The following CSRNP3 variants were observed in gnomAD, a reference collection of about 807,000 sequenced individuals.
CSRNP3 encodes the protein cysteine/serine-rich nuclear protein 3.
A neutral mutation model predicts 48.0 loss-of-function variants in CSRNP3; 12 were observed. The ratio of observed to expected loss-of-function variants is 0.25; its 90% CI spans 0.16 to 0.41. The LOEUF (loss-of-function observed/expected upper bound fraction) is 0.41, where lower values mean the gene tolerates loss of function less well. Ranked by LOEUF, CSRNP3 falls within the 10% of genes least tolerant of loss-of-function variation. The probability of loss-of-function intolerance (pLI) is 1.00; values close to 1 mark genes in which losing one functional copy is unlikely to be tolerated. For missense variants in CSRNP3, 580 were observed against 724.4 expected (o/e 0.80, Z 2.29); for synonymous variants, 263 against 269.7 (o/e 0.98, Z 0.24).
At chr2:165,541,948 T>C (rs919201974) in intron 3 of CSRNP3, among the ~76,000 whole-genome samples, 1 of 152,126 alleles carries the variant, frequency 6.6e-6, no homozygotes, top group African/African-American at 2.4e-5. Flanking sequence ...AAAATTGCCT[T>C]CTTATTAATG....
chr2:165,615,396 A>G (rs1049211038), intron 4 of CSRNP3, among the ~76,000 whole-genome samples: 2 of 151,726 alleles, frequency 1.3e-5, no homozygotes, highest in Admixed American at 1.3e-4. Flanking sequence ...ACAAAAAATT[A>G]GCCGGGTGTG....
intron 2 of CSRNP3, among the ~76,000 whole-genome samples, chr2:165,498,105 G>A (rs1684306610): frequency 6.6e-6 from 1 of 152,014 alleles, no homozygotes; most frequent in South Asian, 2.1e-4. Context: ...AAGTGACAGG[G>A]CAGATTGTTG....
intron 4 of CSRNP3, among the ~76,000 whole-genome samples, chr2:165,615,314 C>T (rs1053786614): frequency 3.3e-5 from 5 of 151,976 alleles, no homozygotes; most frequent in Non-Finnish European, 7.4e-5. Flanking sequence ...GAGGCCGAGT[C>T]GGGCAGATCA....
At chr2:165,647,069 T>C (rs1458175121) in intron 4 of CSRNP3, among the ~76,000 whole-genome samples, 1 of 152,036 alleles carries the variant, frequency 6.6e-6, no homozygotes, top group Non-Finnish European at 1.5e-5. Flanking sequence ...CACTTTTTAT[T>C]TGGTTTAACG....
At chr2:165,537,967 C>CT (rs1016767426) in intron 3 of CSRNP3, among the ~76,000 whole-genome samples, 2 of 151,094 alleles carry the variant, frequency 1.3e-5, no homozygotes, top group African/African-American at 2.4e-5. Flanking sequence ...AACTACTGAG[C>CT]TTTTTTTTTC....
intron 3 of CSRNP3, among the ~76,000 whole-genome samples, chr2:165,528,533 G>A (rs1434443173): frequency 3.3e-5 from 5 of 152,226 alleles, no homozygotes; most frequent in African/African-American, 1.2e-4. Context: ...GTTGTTTCAT[G>A]TTTCTGCATG....
In CSRNP3 at chr2:165,679,432, CTA is replaced by C. The variant is rs1302847392; in HGVS notation, c.1439_1440del (p.Tyr480CysfsTer30). 1 of 1,612,856 alleles carries C rather than the reference CTA, an allele frequency of 6.2e-7. No individual in the cohort carries two copies. ...YTMTPEQFVD[Y>X]ARQAEEAYGA... ...CCATGACCCCGGAGCAATTCGTTGA[CTA>C]TGCCCGACAAGCAGAAGAGGCCTAT... On this transcript the variant is annotated frameshift_variant, in exon 7 of 7. Coordinates refer to ENST00000651982, the MANE Select transcript of CSRNP3 (RefSeq NM_001172173.2). LOFTEE classifies it high-confidence loss of function.
At chr2:165,492,280 C>G (rs1400654474) in intron 1 of CSRNP3, among the ~76,000 whole-genome samples, 2 of 152,132 alleles carry the variant, frequency 1.3e-5, no homozygotes, top group African/African-American at 4.8e-5. Flanking sequence ...TAAGCTAGAT[C>G]TTGGCACTAT....
chr2:165,494,229 A>G (rs996230020), intron 1 of CSRNP3, among the ~76,000 whole-genome samples: 3 of 152,120 alleles, frequency 2.0e-5, no homozygotes, highest in Non-Finnish European at 2.9e-5. Context: ...AAGCATCTAA[A>G]TTCTGCAGGT....
chr2:165,560,153 C>G (rs139392428), intron 3 of CSRNP3, among the ~76,000 whole-genome samples: 21 of 152,126 alleles, frequency 1.4e-4, no homozygotes, highest in Admixed American at 7.9e-4. Flanking sequence ...CAATTAGGTT[C>G]TATTGCTTTC....
At chr2:165,593,493 C>T (rs1046932166) in intron 3 of CSRNP3, among the ~76,000 whole-genome samples, 3 of 152,190 alleles carry the variant, frequency 2.0e-5, no homozygotes, top group Non-Finnish European at 4.4e-5. Flanking sequence ...CCAGGTAATG[C>T]TACTGCTGCT....
rs1429710139 is a variant in CSRNP3, at chr2:165,685,368, C to A, written c.*5615C>A. 1.3e-5 allele frequency: 2 copies of A among 151,750 alleles called. No homozygotes were observed. The highest frequency in any genetic ancestry group is 1.3e-4 in the Admixed American group (2 of 15,188). 9.4% of individuals were successfully genotyped at this position (151,750 alleles called of 1,614,324 possible). The stretch of plus-strand genomic sequence containing the variant: ...AACATTTGATATGACCTGTGTTTTA[C>A]CTGGTGATCAGTTCTCAGGCTAGTC... On this transcript the variant is annotated 3_prime_UTR_variant, in exon 7 of 7. Coordinates refer to ENST00000651982, the MANE Select transcript of CSRNP3 (RefSeq NM_001172173.2).
chr2:165,639,079 A>G (rs1451894583), intron 4 of CSRNP3, among the ~76,000 whole-genome samples: 5 of 152,160 alleles, frequency 3.3e-5, no homozygotes, highest in Admixed American at 3.3e-4. Flanking sequence ...ATGACCAACA[A>G]CACCATAACT....
At chr2:165,648,697 G>A (rs550495026) in intron 4 of CSRNP3, among the ~76,000 whole-genome samples, 9 of 151,992 alleles carry the variant, frequency 5.9e-5, no homozygotes, top group South Asian at 2.1e-4. Context: ...AGGAGGGGGC[G>A]TCCTTAAAAA....
intron 1 of CSRNP3, among the ~76,000 whole-genome samples, chr2:165,480,518 C>G (rs1012949356): frequency 6.6e-6 from 1 of 151,870 alleles, no homozygotes. Context: ...TGTGTGTTGA[C>G]TATAATTATT....
chr2:165,507,879 A>G (rs1288159088), intron 2 of CSRNP3, among the ~76,000 whole-genome samples: 1 of 152,154 alleles, frequency 6.6e-6, no homozygotes, highest in Non-Finnish European at 1.5e-5. Context: ...GGTTTGTTCC[A>G]CATTTTTTAA....
chr2:165,612,724 C>A (rs913525785), intron 4 of CSRNP3, among the ~76,000 whole-genome samples: 2 of 151,646 alleles, frequency 1.3e-5, no homozygotes, highest in Non-Finnish European at 2.9e-5. Flanking sequence ...ATAATGTCCT[C>A]CAGGTTCATT....
chr2:165,545,231 G>A (rs144218508), intron 3 of CSRNP3, among the ~76,000 whole-genome samples: 1 of 152,242 alleles, frequency 6.6e-6, no homozygotes, highest in Non-Finnish European at 1.5e-5. Context: ...TTTAGAGTGT[G>A]TATAAACAAT....
intron 4 of CSRNP3, among the ~76,000 whole-genome samples, chr2:165,607,402 CT>C (rs2105306894): frequency 6.6e-6 from 1 of 152,236 alleles, no homozygotes; most frequent in South Asian, 2.1e-4. Context: ...CCAAGTGACA[CT>C]GTCACATATT....
Sources: allele counts gnomAD v4.1 joint callset (sites outside exome capture counted in the v4.1 genomes callset), GRCh38; gene constraint gnomAD v4.1.1; transcripts MANE v1.5; gene names NCBI Gene and HGNC (gene_info 2026-07-23, HGNC 2026-07-21).